The following SOD2 variants were observed in gnomAD, a reference collection of about 807,000 sequenced individuals.
The protein encoded by SOD2 is superoxide dismutase 2, also known as superoxide dismutase [Mn], mitochondrial.
SOD2 carries 11 observed loss-of-function variants against 27.0 expected under a neutral mutation model. The ratio of observed to expected loss-of-function variants is 0.41; its 90% CI spans 0.26 to 0.67. The LOEUF (loss-of-function observed/expected upper bound fraction) is 0.67, where lower values mean the gene tolerates loss of function less well. SOD2 is among the 30% of genes least tolerant of loss of function. SOD2 has a pLI of 0.34. For synonymous variants in SOD2, 105 were observed against 103.0 expected (o/e 1.02, Z -0.12); for missense variants, 250 against 274.5 (o/e 0.91, Z 0.63).
chr6:159,755,765 CTTTTTTTTTTTTTTTTTT>C, intron 1 of SOD2: 4 of 171,464 alleles, frequency 2.3e-5, no homozygotes, highest in Non-Finnish European at 2.8e-5. Flanking sequence ...TTTTTCTTTT[CTTTTTTTTTTTTTTTTTT>C]TTTTTTTGCT....
At chr6:159,695,839 C>T (rs1462066511), upstream of SOD2, among the ~76,000 whole-genome samples, 1 of 152,066 alleles carries the variant, frequency 6.6e-6, no homozygotes, top group African/African-American at 2.4e-5. Context: ...TACTGAATGG[C>T]CTCAGAAGTT....
rs1778219295 is a variant in SOD2 at position 159,727,157 on chromosome 6, A to T, written c.-144T>A. The T allele has an allele frequency of 5.9e-6, 7 of 1,193,144 alleles. No individual in the cohort carries two copies. In the Admixed American group the frequency reaches 2.1e-4, roughly 36 times the overall value. 73.9% of individuals were successfully genotyped at this position (1,193,144 alleles called of 1,614,324 possible). A position where few individuals can be genotyped will look rare whatever the true frequency, so the allele number is the denominator to read the frequency against. On this transcript the variant is annotated 5_prime_UTR_variant, in exon 1 of 3. Coordinates refer to the SOD2 transcript ENST00000401980. ...GCTTGCTGAGCTCCGGGGCCCGCGG[A>T]GCTCGCGCCAGGCTCCTGGGAAAGG...
chr6:159,690,246 C>A (rs1436830557), intron 2 of SOD2, among the ~76,000 whole-genome samples: 1 of 143,780 alleles, frequency 7.0e-6, no homozygotes, highest in Admixed American at 7.2e-5. Flanking sequence ...GAGATCACAT[C>A]ACTGCACTCC....
At chr6:159,687,711 A>G (rs1486685151) in intron 3 of SOD2, among the ~76,000 whole-genome samples, 4 of 152,112 alleles carry the variant, frequency 2.6e-5, no homozygotes, top group Non-Finnish European at 5.9e-5. Flanking sequence ...ACCTCTGGTA[A>G]GAATAAGGTA....
chr6:159,717,892 T>C (rs910083188), intron 1 of SOD2, among the ~76,000 whole-genome samples: 14 of 115,278 alleles, frequency 1.2e-4, no homozygotes, highest in Non-Finnish European at 2.0e-4. Flanking sequence ...TATATATGTA[T>C]GGATATGTGT....
Position 159,673,411 on chromosome 6 carries a change from T to G in SOD2, c.*9082A>C, listed in dbSNP as rs1779710323. ...TATAACATACTGTCTCAGACCACAG[T>G]GCAATCAAACTAGAACTCAGGATTA... On this transcript the variant is annotated 3_prime_UTR_variant, in exon 5 of 5. Coordinates refer to ENST00000538183, the MANE Select transcript of SOD2 (RefSeq NM_000636.4). 1 of 152,114 alleles carries G rather than the reference T, an allele frequency of 6.6e-6. No homozygotes were observed. The highest frequency in any genetic ancestry group is 2.1e-4 in the South Asian group (1 of 4,814). 9.4% of individuals were successfully genotyped at this position (152,114 alleles called of 1,614,324 possible).
intron 1 of SOD2, among the ~76,000 whole-genome samples, chr6:159,740,736 G>A (rs1434786349): frequency 7.1e-6 from 1 of 140,636 alleles, no homozygotes; most frequent in South Asian, 2.2e-4. Flanking sequence ...ACAGAGTCTC[G>A]CTCTGTCACC....
intron 1 of SOD2, among the ~76,000 whole-genome samples, chr6:159,711,600 C>CACCTCCATAACCACCACCATAACG (rs1777769862): frequency 1.2e-5 from 1 of 81,528 alleles, no homozygotes; most frequent in South Asian, 3.6e-4. Context: ...CCACCATAAC[C>CACCTCCATAACCACCACCATAACG]ACCTCCATAA....
At chr6:159,683,757 C>A (rs1780060170) in intron 4 of SOD2, among the ~76,000 whole-genome samples, 1 of 152,214 alleles carries the variant, frequency 6.6e-6, no homozygotes, top group South Asian at 2.1e-4. Flanking sequence ...AATAACCTGA[C>A]TCTACAGATC....
intron 1 of SOD2, among the ~76,000 whole-genome samples, chr6:159,756,626 G>A (rs1780017365): frequency 8.0e-6 from 1 of 124,702 alleles, no homozygotes; most frequent in East Asian, 2.1e-4. Context: ...AATTGAGACA[G>A]GGTCTTGCTT....
At chr6:159,702,676 AAAAGAAAG>A (rs1162195620) in intron 1 of SOD2, among the ~76,000 whole-genome samples, 4 of 143,138 alleles carry the variant, frequency 2.8e-5, no homozygotes, top group East Asian at 2.1e-4. Flanking sequence ...AAAAAAAAAA[AAAAGAAAG>A]AAAGAAAGAA....
At chr6:159,702,722 G>A (rs1186921599) in intron 1 of SOD2, among the ~76,000 whole-genome samples, 1 of 146,568 alleles carries the variant, frequency 6.8e-6, no homozygotes, top group Non-Finnish European at 1.5e-5. Context: ...ATGGTGGTGT[G>A]CGCCTGTAGT....
chr6:159,727,454 GGCGGAGCGGAGCC>G, upstream of SOD2: 1 of 1,062,200 alleles, frequency 9.4e-7, no homozygotes, highest in Non-Finnish European at 1.1e-6. Flanking sequence ...GGCGGGGCAG[GGCGGAGCGGAGCC>G]GTGCGGCGGG....
In SOD2 at chr6:159,679,105, A is replaced by G. The variant is rs1779843514; in HGVS notation, c.*3388T>C. ...TTAAAGTTTTTGACATGCAAGCATA[A>G]TGCAGACCTCTTTGATGGTTGACAG... On this transcript the variant is annotated 3_prime_UTR_variant, in exon 5 of 5. Coordinates refer to ENST00000538183, the MANE Select transcript of SOD2 (RefSeq NM_000636.4). 1 of 152,230 alleles carries G rather than the reference A, an allele frequency of 6.6e-6. No homozygotes were observed. The highest frequency in any genetic ancestry group is 1.5e-5 in the Non-Finnish European group (1 of 68,042). 9.4% of individuals were successfully genotyped at this position (152,230 alleles called of 1,614,324 possible).
At chr6:159,725,566 T>C (rs1778142682) in intron 1 of SOD2, 1 of 151,930 alleles carries the variant, frequency 6.6e-6, no homozygotes, top group African/African-American at 2.4e-5. Context: ...TTGTTTCAAT[T>C]TGCTTTCAAC....
chr6:159,688,428 T>A (rs1438098860), intron 2 of SOD2, 186 bp from the exon 3 acceptor site: 4 of 541,336 alleles, frequency 7.4e-6, no homozygotes, highest in Non-Finnish European at 1.3e-5. Context: ...GAACAACTGA[T>A]GAAGGACCTA....
chr6:159,728,345 C>G (rs1049257938), upstream of SOD2, among the ~76,000 whole-genome samples: 1 of 151,872 alleles, frequency 6.6e-6, no homozygotes, highest in Non-Finnish European at 1.5e-5. Context: ...ATAAGAAAGT[C>G]ACTTGGTTGT....
At chr6:159,749,771 A>G (rs1779755245), upstream of SOD2, among the ~76,000 whole-genome samples, 1 of 152,186 alleles carries the variant, frequency 6.6e-6, no homozygotes, top group South Asian at 2.1e-4. Context: ...TATAGTGATC[A>G]TTTCTAGCAA....
intron 2 of SOD2, among the ~76,000 whole-genome samples, chr6:159,690,132 C>T (rs1443022017): frequency 6.6e-6 from 1 of 150,950 alleles, no homozygotes; most frequent in African/African-American, 2.4e-5. Context: ...AAAAAACCCA[C>T]AAAAAGTAGC....
Sources: gnomAD v4.1 joint callset for allele counts (sites outside exome capture counted in the v4.1 genomes callset) on GRCh38, gnomAD v4.1.1 for gene constraint, MANE v1.5 for transcripts, NCBI Gene and HGNC (gene_info 2026-07-23, HGNC 2026-07-21) for gene names.